Variants in GALNT13 observed in about 807,000 individuals in gnomAD.
GALNT13 encodes UDP-GalNAc:polypeptide N-acetylgalactosaminyltransferase 13.
A neutral mutation model predicts 64.2 loss-of-function variants in GALNT13; 28 were observed. That is an observed-to-expected ratio of 0.44 (90% CI 0.32 to 0.60). The LOEUF is 0.60. Ranked by LOEUF, GALNT13 falls within the 20% of genes least tolerant of loss-of-function variation. The probability of loss-of-function intolerance (pLI) is 0.05; values close to 1 mark genes in which losing one functional copy is unlikely to be tolerated. For synonymous variants in GALNT13, 214 were observed against 224.6 expected, an observed-to-expected ratio of 0.95 and a Z score of 0.42; for missense variants, 577 against 669.8, an observed-to-expected ratio of 0.86 and a Z score of 1.53.
chr2:154,039,274 AAAATAAATCAGTAGATCAAAGAG>A (rs1698847474), intron 3 of GALNT13, among the ~76,000 whole-genome samples: 1 of 98,438 alleles, frequency 1.0e-5, no homozygotes, highest in Admixed American at 9.9e-5. Flanking sequence ...TATCCAAATG[AAAATAAATCAGTAGATCAAAGAG>A]TTATCTTTAC....
At chr2:154,087,948 C>T (rs1466635717) in intron 3 of GALNT13, among the ~76,000 whole-genome samples, 1 of 152,108 alleles carries the variant, frequency 6.6e-6, no homozygotes, top group East Asian at 1.9e-4. Context: ...CTTTATGTTA[C>T]TGTCTCTCAC....
chr2:153,417,206 G>A, the GALNT13 span, among the ~76,000 whole-genome samples: 1 of 152,200 alleles, frequency 6.6e-6, no homozygotes, highest in African/African-American at 2.4e-5. Context: ...GGAATGAAAA[G>A]GAGGTGGGTA....
At chr2:153,069,053 GAAT>G in the GALNT13 span, among the ~76,000 whole-genome samples, 1 of 152,146 alleles carries the variant, frequency 6.6e-6, no homozygotes, top group Non-Finnish European at 1.5e-5. Flanking sequence ...ATTCAGCAGG[GAAT>G]ACTTAGACGC....
intron 3 of GALNT13, among the ~76,000 whole-genome samples, chr2:154,045,027 A>T (rs983844296): frequency 1.3e-5 from 2 of 152,178 alleles, no homozygotes; most frequent in Non-Finnish European, 2.9e-5. Context: ...TCTGAGCTGC[A>T]TGGTGACATG....
the GALNT13 span, among the ~76,000 whole-genome samples, chr2:153,070,559 G>A: frequency 6.6e-6 from 1 of 152,120 alleles, no homozygotes; most frequent in African/African-American, 2.4e-5. Flanking sequence ...TGTTTTTGGA[G>A]GAGGAGAGAA....
At chr2:153,533,765 A>G in the GALNT13 span, among the ~76,000 whole-genome samples, 20 of 31,248 alleles carry the variant, frequency 6.4e-4, no homozygotes, top group East Asian at 0.017. Flanking sequence ...TTTAGGTAGT[A>G]TCTATTGGTA....
chr2:153,171,634 AT>A, the GALNT13 span, among the ~76,000 whole-genome samples: 1 of 152,152 alleles, frequency 6.6e-6, no homozygotes, highest in Non-Finnish European at 1.5e-5. Flanking sequence ...CTTTTGCTAG[AT>A]ATTATTGTGT....
chr2:153,247,639 A>T, the GALNT13 span, among the ~76,000 whole-genome samples: 1 of 152,192 alleles, frequency 6.6e-6, no homozygotes, highest in African/African-American at 2.4e-5. Context: ...ACACCCTAAT[A>T]TCACGATTAA....
At chr2:153,260,804 C>T in the GALNT13 span, among the ~76,000 whole-genome samples, 4 of 152,136 alleles carry the variant, frequency 2.6e-5, no homozygotes, top group Admixed American at 6.5e-5. Flanking sequence ...TTTCTCTCTA[C>T]CTCCTCTTCA....
chr2:154,307,869 C>T (rs1471832208), intron 9 of GALNT13, among the ~76,000 whole-genome samples: 6 of 152,104 alleles, frequency 3.9e-5, no homozygotes, highest in Non-Finnish European at 8.8e-5. Context: ...TTTTCTTTTC[C>T]TCTTGGTCAC....
the GALNT13 span, among the ~76,000 whole-genome samples, chr2:153,456,093 G>A: frequency 6.6e-6 from 1 of 152,112 alleles, no homozygotes; most frequent in Non-Finnish European, 1.5e-5. Flanking sequence ...GCTGAGTCTG[G>A]AATTTTTATA....
At chr2:153,903,350 T>G (rs1688355278) in intron 2 of GALNT13, among the ~76,000 whole-genome samples, 1 of 152,064 alleles carries the variant, frequency 6.6e-6, no homozygotes, top group Non-Finnish European at 1.5e-5. Context: ...AACGTAACAC[T>G]CAGCATATGG....
intron 9 of GALNT13, among the ~76,000 whole-genome samples, chr2:154,327,639 A>G (rs1694949393): frequency 6.6e-6 from 1 of 152,156 alleles, no homozygotes; most frequent in Non-Finnish European, 1.5e-5. Context: ...TCTGGTTTCC[A>G]GAACTTACAT....
At chr2:154,441,602 A>G (rs1265383967) in intron 12 of GALNT13, 1 of 152,146 alleles carries the variant, frequency 6.6e-6, no homozygotes, top group Non-Finnish European at 1.5e-5. Flanking sequence ...AAGTATTCCA[A>G]GCAAGCTAGC....
chr2:154,397,000 A>G (rs1269783827), intron 10 of GALNT13, among the ~76,000 whole-genome samples: 1 of 150,694 alleles, frequency 6.6e-6, no homozygotes, highest in African/African-American at 2.4e-5. Context: ...TATATATAAT[A>G]TATTCCTATA....
intron 3 of GALNT13, among the ~76,000 whole-genome samples, chr2:154,133,629 C>CT (rs1225957790): frequency 5.9e-5 from 8 of 135,146 alleles, no homozygotes; most frequent in Non-Finnish European, 1.2e-4. Context: ...ATTCTAATTA[C>CT]TTTTTTATCA....
In GALNT13 at chr2:154,149,068, G is replaced by A. The variant is rs546464700; in HGVS notation, c.311+8563G>A. ...GGGTTTTTATGGTTTTAGGTCTAAA[G>A]TTTAAGTCTTTAATCCATCTTGCAT... On this transcript the variant is annotated intron_variant, in intron 4 of 12. Coordinates refer to ENST00000392825, the MANE Select transcript of GALNT13 (RefSeq NM_052917.4). Among the ~76,000 whole-genome samples, 12 of 152,242 alleles carry A rather than the reference G, an allele frequency of 7.9e-5. No individual in the cohort carries two copies. The East Asian group carries it at 1.9e-3, about 24-fold the overall frequency.
chr2:154,410,306 G>C (rs1259954476), intron 11 of GALNT13, among the ~76,000 whole-genome samples: 2 of 151,938 alleles, frequency 1.3e-5, no homozygotes, highest in Non-Finnish European at 2.9e-5. Context: ...CTAAATGTGT[G>C]AGGGTTTAAT....
the GALNT13 span, among the ~76,000 whole-genome samples, chr2:153,678,440 T>C: frequency 6.6e-6 from 1 of 151,936 alleles, no homozygotes; most frequent in South Asian, 2.1e-4. Context: ...GAAAACCAAA[T>C]ACTGCATATT....
Sources: allele counts gnomAD v4.1 joint callset (sites outside exome capture counted in the v4.1 genomes callset), GRCh38; gene constraint gnomAD v4.1.1; transcripts MANE v1.5; gene names NCBI Gene and HGNC (gene_info 2026-07-23, HGNC 2026-07-21).